CREBZF: variants seen among roughly 807,000 people sequenced by gnomAD.
The protein encoded by CREBZF is HCF-binding transcription factor Zhangfei.
Under a neutral mutation model 21.1 loss-of-function variants are expected in CREBZF, and 8 were observed. The ratio of observed to expected loss-of-function variants is 0.38; its 90% CI spans 0.22 to 0.68. The LOEUF is 0.68. Ranked by LOEUF, CREBZF falls within the 30% of genes least tolerant of loss-of-function variation. The pLI is 0.51. For missense variants in CREBZF, 518 were observed against 484.3 expected, an observed-to-expected ratio of 1.07 and a Z score of -0.65; for synonymous variants, 270 against 223.3, an observed-to-expected ratio of 1.21 and a Z score of -1.86.
At chr11:85,669,931 C>T (rs2082900355), upstream of CREBZF, among the ~76,000 whole-genome samples, 1 of 152,128 alleles carries the variant, frequency 6.6e-6, no homozygotes, top group South Asian at 2.1e-4. Context: ...CCTCAGCCTT[C>T]CAAGTAGCTG....
Position 85,682,612 on chromosome 11 carries a change from CAA to C in CREBZF, n.147+103_147+104del, listed in dbSNP as rs2082984170. On this transcript the variant is annotated intron_variant and non_coding_transcript_variant, in intron 1 of 3. Coordinates refer to the CREBZF transcript ENST00000531515. ...CCCCTACCCCCTGCCCTACTCCCCC[CAA>C]CGCGATCTTCCAGACGCGCTCTTCC... 1.4e-4 allele frequency: 41 copies of C among 291,160 alleles called. 1 individual carries two copies. The highest frequency in any genetic ancestry group is 3.5e-4 in the South Asian group (10 of 28,694). 18.0% of individuals were successfully genotyped at this position (291,160 alleles called of 1,614,324 possible).
At chr11:85,674,325 G>C (rs1465478323) in intron 1 of CREBZF, among the ~76,000 whole-genome samples, 2 of 152,172 alleles carry the variant, frequency 1.3e-5, no homozygotes, top group Non-Finnish European at 2.9e-5. Flanking sequence ...TACAGCTCTT[G>C]AGTAACTAAC....
intron 1 of CREBZF, chr11:85,682,607 C>T (rs1263480268): frequency 2.7e-5 from 8 of 299,026 alleles, no homozygotes; most frequent in South Asian, 1.5e-4. Flanking sequence ...CTGCCCTACT[C>T]CCCCCAACGC....
At chr11:85,679,005 A>G (rs1414704031) in intron 1 of CREBZF, among the ~76,000 whole-genome samples, 1 of 152,244 alleles carries the variant, frequency 6.6e-6, no homozygotes, top group Middle Eastern at 3.2e-3. Flanking sequence ...GAAAGGACTA[A>G]GGTAAATGTG....
upstream of CREBZF, among the ~76,000 whole-genome samples, chr11:85,666,515 A>G (rs2082865139): frequency 6.6e-6 from 1 of 152,238 alleles, no homozygotes; most frequent in South Asian, 2.1e-4. Context: ...CATGAGTAAA[A>G]TATACATGAA....
In CREBZF at chr11:85,676,445, G is replaced by T. The variant is rs527562728; in HGVS notation, n.147+6272C>A. ...TTAATTTCTTAAATACTGAAAATTT[G>T]TACTCTGACACAAAATGAGGAGAAT... On this transcript the variant is annotated intron_variant and non_coding_transcript_variant, in intron 1 of 3. Coordinates refer to the CREBZF transcript ENST00000531515. Among the ~76,000 whole-genome samples, 21 of 152,172 alleles carry T rather than the reference G, an allele frequency of 1.4e-4. No individual in the cohort carries two copies. In the South Asian group the frequency reaches 4.4e-3, roughly 32 times the overall value.
At chr11:85,674,535 A>G (rs963333458) in intron 1 of CREBZF, among the ~76,000 whole-genome samples, 2 of 152,214 alleles carry the variant, frequency 1.3e-5, no homozygotes, top group Non-Finnish European at 2.9e-5. Context: ...GGAAGGGTAA[A>G]TATGAGCACT....
chr11:85,664,590 T>A lies in CREBZF; in HGVS notation c.286A>T (p.Thr96Ser). Residue 96 changes from threonine (T) to serine (S), a missense_variant, in exon 1 of 1, where the codon ACG (threonine) becomes TCG (serine). This residue lies in a region of CREBZF where 396 missense variants were observed against 324.4 expected (regional missense o/e 1.22). Transcript: ENST00000527447. This position sits in a 1 kb window ranked among gnomAD's most constrained non-coding sequence, Gnocchi z 5.5. ...EAIASLPGEETEDMDFLSGLE... is the reference protein window; with the variant it reads ...EAIASLPGEESEDMDFLSGLE... ...CCAGACAGAAAGTCCATATCCTCCG[T>A]CTCTTCCCCCGGGAGGCTGGCGATC... The A allele has an allele frequency of 6.2e-7, 1 of 1,613,728 alleles. No homozygotes were observed.
At chr11:85,665,650 A>G (rs1272748305), upstream of CREBZF, among the ~76,000 whole-genome samples, 1 of 151,912 alleles carries the variant, frequency 6.6e-6, no homozygotes, top group Non-Finnish European at 1.5e-5. Flanking sequence ...GACAGTTATT[A>G]TTTGTCAATT....
In CREBZF at chr11:85,664,360, G is replaced by C. The variant is rs2153324373; in HGVS notation, c.516C>G (p.Gly172=). 3 of 1,613,402 alleles carry C rather than the reference G, an allele frequency of 1.9e-6. No individual in the cohort carries two copies. Among genetic ancestry groups the C allele is most frequent in the Non-Finnish European group, 2.5e-6 (3 of 1,179,920 alleles). The part of the protein sequence containing the change: ...LLQRLLNGIG[G]CSSSSDSGSA... ...TGCCACTGTCACTGCTGCTGCTGCA[G>C]CCTCCGATACCGTTTAACAGCCTTT... The change falls in exon 1 of 1, where the codon GGC becomes GGG. Residue 172 remains glycine (G), a synonymous_variant. Transcript: ENST00000527447. This position sits in a 1 kb window ranked among gnomAD's most constrained non-coding sequence, Gnocchi z 5.5.
rs113731424 is a variant in CREBZF at position 85,658,648 on chromosome 11, TAAAA to T, written c.*5159_*5162del. On this transcript the variant is annotated 3_prime_UTR_variant, in exon 1 of 1. Coordinates refer to ENST00000527447, the MANE Select transcript of CREBZF (RefSeq NM_001039618.4). Reference sequence around the variant, plus strand: ...ATTTACTTTGTGTAGTTATTTGGCTTAAAAAAAAAAAAAGAGGGCTCACATTCTA... The same window carrying T: ...ATTTACTTTGTGTAGTTATTTGGCTTAAAAAAAAAGAGGGCTCACATTCTA... Among the ~76,000 whole-genome samples the T allele has an allele frequency of 7.0e-6, 1 of 143,538 alleles. No homozygotes were observed. The highest frequency in any genetic ancestry group is 1.5e-5 in the Non-Finnish European group (1 of 65,060). The allele number at this position is 143,538 out of a possible 152,430, so 94.2% of individuals were successfully genotyped here.
In CREBZF at chr11:85,671,776, T is replaced by G. The variant is rs570659470; in HGVS notation, n.148-8175A>C. 1.0e-3 allele frequency among the ~76,000 whole-genome samples: 153 copies of G among 152,330 alleles called. 1 individual carries two copies. The highest frequency in any genetic ancestry group is 3.5e-3 in the African/African-American group (146 of 41,580). ...CTTGGGCAGCTCCATCCCTGTGGCT[T>G]TGCAGGGTCCAGGCCCCCTCCTGGC... On this transcript the variant is annotated intron_variant and non_coding_transcript_variant, in intron 1 of 3. Transcript: ENST00000531515.
chr11:85,681,066 T>C (rs927390415), intron 1 of CREBZF, among the ~76,000 whole-genome samples: 33 of 152,210 alleles, frequency 2.2e-4, no homozygotes, highest in African/African-American at 8.0e-4. Context: ...GGTATTTGCA[T>C]ATGACCCAAT....
Position 85,662,153 on chromosome 11 carries a change from C to T in CREBZF, c.*1658G>A. 4.2e-6 allele frequency: 2 copies of T among 476,068 alleles called. No individual in the cohort carries two copies. The highest frequency in any genetic ancestry group is 4.0e-6 in the Non-Finnish European group (1 of 251,552). The allele number at this position is 476,068 out of a possible 1,614,324, so 29.5% of individuals were successfully genotyped here. Reference sequence around the variant, plus strand: ...ATTTTACAAAATATGCTGTGATGCACTGGAAACCAAAGACCAATTCAGGTC... The same window carrying T: ...ATTTTACAAAATATGCTGTGATGCATTGGAAACCAAAGACCAATTCAGGTC... On this transcript the variant is annotated 3_prime_UTR_variant, in exon 1 of 1. Coordinates refer to ENST00000527447, the MANE Select transcript of CREBZF (RefSeq NM_001039618.4).
Position 85,664,498 on chromosome 11 carries a change from C to T in CREBZF, c.378G>A (p.Ser126=). The stretch of plus-strand genomic sequence containing the variant: ...CGCCAGACGAGGAGAGAGGCCCCGG[C>T]GAGCTAAGCCCGGGGTCCAGGTGCC... ...PDWHLDPGLS[S]PGPLSSSGGG... Residue 126 remains serine, a synonymous_variant, in exon 1 of 1, where the codon TCG becomes TCA. Transcript: ENST00000527447. This position sits in a 1 kb window ranked among gnomAD's most constrained non-coding sequence, Gnocchi z 5.5. 6.2e-7 allele frequency: 1 copy of T among 1,613,650 alleles called. No individual in the cohort carries two copies. The highest frequency in any genetic ancestry group is 1.1e-5 in the South Asian group (1 of 91,050).
At chr11:85,676,991 T>A (rs1475255371) in intron 1 of CREBZF, among the ~76,000 whole-genome samples, 12 of 150,502 alleles carry the variant, frequency 8.0e-5, no homozygotes, top group Admixed American at 8.0e-4. Flanking sequence ...TGAGACAGAA[T>A]GTCACTCTGT....
rs1468834032 is a variant in CREBZF at position 85,662,461 on chromosome 11, T to C, written c.*1350A>G. ...TCTGCCCCAACAGCTGTATCCACTT[T>C]AGCACAAAGAAAAACAAGGATGCTA... is the stretch of plus-strand genomic sequence containing the variant. On this transcript the variant is annotated 3_prime_UTR_variant, in exon 1 of 1. Transcript: ENST00000527447. 1.4e-6 allele frequency: 1 copy of C among 716,028 alleles called. No individual in the cohort carries two copies. The highest frequency in any genetic ancestry group is 2.7e-5 in the East Asian group (1 of 37,274). The allele number at this position is 716,028 out of a possible 1,614,324, so 44.4% of individuals were successfully genotyped here.
At chr11:85,671,960 A>C (rs557008723) in intron 1 of CREBZF, among the ~76,000 whole-genome samples, 1 of 152,342 alleles carries the variant, frequency 6.6e-6, no homozygotes, top group Non-Finnish European at 1.5e-5. Context: ...CTGAACCCAC[A>C]CTTCCCTTCC....
chr11:85,680,666 C>G (rs527690895), intron 1 of CREBZF, among the ~76,000 whole-genome samples: 1 of 152,212 alleles, frequency 6.6e-6, no homozygotes, highest in Non-Finnish European at 1.5e-5. Flanking sequence ...ATCTGTACAG[C>G]TCTAGGTGTC....
Sources: allele counts gnomAD v4.1 joint callset (sites outside exome capture counted in the v4.1 genomes callset), GRCh38; gene constraint gnomAD v4.1.1; regional missense constraint gnomAD v4.1.1; non-coding constraint Gnocchi (gnomAD v3.1); transcripts MANE v1.5; gene names NCBI Gene and HGNC (gene_info 2026-07-23, HGNC 2026-07-21).